The following IQSEC1 variants were observed in gnomAD, a reference collection of about 807,000 sequenced individuals.
The protein encoded by IQSEC1 is IQ motif and Sec7 domain ArfGEF 1.
In IQSEC1, 31 loss-of-function variants were observed where a neutral mutation model predicts 91.0. The observed-to-expected ratio is 0.34, with a 90% CI of 0.26 to 0.46. The LOEUF is 0.46. IQSEC1 is among the 20% of genes least tolerant of loss of function. The pLI is 1.00. For missense variants in IQSEC1, 1,388 were observed against 1,575.6 expected, an observed-to-expected ratio of 0.88 and a Z score of 2.02; for synonymous variants, 699 against 662.6, an observed-to-expected ratio of 1.05 and a Z score of -0.84.
intron 1 of IQSEC1, among the ~76,000 whole-genome samples, chr3:13,021,770 A>G (rs542497143): frequency 4.6e-5 from 7 of 152,186 alleles, no homozygotes; most frequent in Non-Finnish European, 1.0e-4. Flanking sequence ...CCAGCATGTT[A>G]TGTAACACAT....
chr3:12,948,325 C>T (rs1378577812), intron 1 of IQSEC1, among the ~76,000 whole-genome samples: 1 of 152,240 alleles, frequency 6.6e-6, no homozygotes, highest in Non-Finnish European at 1.5e-5. Context: ...GGGTCACCTG[C>T]CCTGCACCCT....
intron 1 of IQSEC1, among the ~76,000 whole-genome samples, chr3:13,237,550 C>G (rs73813518): frequency 2.0e-5 from 3 of 152,142 alleles, no homozygotes; most frequent in South Asian, 2.1e-4. Context: ...CCGGTTCCCC[C>G]ACAGACACAG....
At chr3:13,244,104 C>T (rs771409375) in intron 1 of IQSEC1, among the ~76,000 whole-genome samples, 1 of 152,204 alleles carries the variant, frequency 6.6e-6, no homozygotes, top group African/African-American at 2.4e-5. Flanking sequence ...ACCTCCAGCC[C>T]GTCTGACTCC....
At chr3:13,189,920 T>C (rs1339430080) in intron 1 of IQSEC1, among the ~76,000 whole-genome samples, 1 of 152,204 alleles carries the variant, frequency 6.6e-6, no homozygotes, top group African/African-American at 2.4e-5. Flanking sequence ...GTTGCTGACA[T>C]GCAATCCTTT....
chr3:13,271,748 T>C (rs1695593902), intron 1 of IQSEC1, among the ~76,000 whole-genome samples: 1 of 152,160 alleles, frequency 6.6e-6, no homozygotes, highest in African/African-American at 2.4e-5. Context: ...TGAGCTCTGA[T>C]TGCACCATTG....
chr3:13,247,137 T>C (rs890115306), intron 1 of IQSEC1, among the ~76,000 whole-genome samples: 3 of 152,180 alleles, frequency 2.0e-5, no homozygotes, highest in Non-Finnish European at 2.9e-5. Flanking sequence ...GCCTAAAACC[T>C]GCTGGTGAGG....
Position 12,924,556 on chromosome 3 carries a change from C to T in IQSEC1, c.1730+25G>A, listed in dbSNP as rs1407337817. The T allele has an allele frequency of 3.9e-6, 6 of 1,557,190 alleles. 1 individual carries two copies. The highest frequency in any genetic ancestry group is 1.8e-5 in the Admixed American group (1 of 55,906). On this transcript the variant is annotated intron_variant, in intron 4 of 13. Transcript: ENST00000613206. This position sits in a 1 kb window ranked among gnomAD's most constrained non-coding sequence, Gnocchi z 6.3. ...TGAGGGCGTGTGTGGAATCAGGTCC[C>T]CCACCACCCCCATGCAGAACTTACT...
chr3:13,009,831 T>C (rs1702801010), intron 1 of IQSEC1, among the ~76,000 whole-genome samples: 1 of 152,158 alleles, frequency 6.6e-6, no homozygotes, highest in Non-Finnish European at 1.5e-5. Flanking sequence ...TCTGCCAGTG[T>C]GGCGCCCGCC....
intron 2 of IQSEC1, among the ~76,000 whole-genome samples, chr3:13,086,479 T>A (rs1705737530): frequency 6.6e-6 from 1 of 152,202 alleles, no homozygotes; most frequent in Non-Finnish European, 1.5e-5. Context: ...GGCGTCTTTT[T>A]CCTGGGAGGG....
At chr3:13,165,578 G>GTGTGTGTGTGTGTC (rs1377649445) in intron 1 of IQSEC1, among the ~76,000 whole-genome samples, 4 of 105,756 alleles carry the variant, frequency 3.8e-5, no homozygotes, top group Admixed American at 2.3e-4. Context: ...GTGTGTGTGT[G>GTGTGTGTGTGTGTC]TGTCTGTCTG....
chr3:13,125,342 C>T (rs1215017982), intron 2 of IQSEC1, among the ~76,000 whole-genome samples: 6 of 152,234 alleles, frequency 3.9e-5, no homozygotes, highest in African/African-American at 1.4e-4. Context: ...CCCCCACCTC[C>T]ACCAGGTGAG....
intron 1 of IQSEC1, among the ~76,000 whole-genome samples, chr3:13,027,447 G>C (rs569915986): frequency 9.8e-5 from 15 of 152,358 alleles, no homozygotes; most frequent in African/African-American, 3.4e-4. Flanking sequence ...CACTTTACTT[G>C]CTGTGCAGAA....
In IQSEC1 at chr3:12,899,398, A is replaced by C; in HGVS notation, c.*1585T>G. ...TCCTCGGGTCCCATGGCTTAGGAGC[A>C]CAGCACTGACGGCTGCAGTGGCTCG... On this transcript the variant is annotated 3_prime_UTR_variant, in exon 14 of 14. Transcript: ENST00000613206. 1 of 1,613,150 alleles carries C rather than the reference A, an allele frequency of 6.2e-7. No individual in the cohort carries two copies.
chr3:13,015,440 G>C (rs1481836184), intron 1 of IQSEC1: 1 of 452,120 alleles, frequency 2.2e-6, no homozygotes, highest in African/African-American at 2.1e-5. Context: ...ACAGAATACA[G>C]CTCTGAGAAA....
rs142197279 is a variant in IQSEC1 at position 12,936,355 on chromosome 3, C to T, written c.661G>A (p.Ala221Thr). ...SPAPSSDFAD[A>T]ITELEDAFSR... ...AAGGCGTCCTCCAGCTCGGTGATGGCGTCCGCAAAGTCACTGGAGGGGGCC... is the reference window on the plus strand; with the variant it reads ...AAGGCGTCCTCCAGCTCGGTGATGGTGTCCGCAAAGTCACTGGAGGGGGCC... The change falls in exon 3 of 14, where the codon GCC becomes ACC. Residue 221 changes from alanine (A) to threonine (T), a missense_variant. Physicochemically the swap from Ala to Thr is moderately conservative, Grantham distance 58. Transcript: ENST00000613206. The T allele has an allele frequency of 3.6e-4, 580 of 1,604,186 alleles. 1 individual carries two copies. Among genetic ancestry groups the T allele is most frequent in the Non-Finnish European group, 4.5e-4 (528 of 1,173,512 alleles).
chr3:12,948,909 C>T (rs1576014533), intron 1 of IQSEC1, among the ~76,000 whole-genome samples: 1 of 152,330 alleles, frequency 6.6e-6, no homozygotes, highest in East Asian at 1.9e-4. Flanking sequence ...AGGGCAAACA[C>T]ACATGTATGT....
rs1693960763 is a variant in IQSEC1 at position 12,899,200 on chromosome 3, C to G, written c.*1783G>C. 2 of 624,214 alleles carry G rather than the reference C, an allele frequency of 3.2e-6. No homozygotes were observed. Among genetic ancestry groups the G allele is most frequent in the Non-Finnish European group, 5.6e-6 (2 of 356,256 alleles). The allele number at this position is 624,214 out of a possible 1,614,324, so 38.7% of individuals were successfully genotyped here. A position where few individuals can be genotyped will look rare whatever the true frequency, so the allele number is the denominator to read the frequency against. ...AGGAGGGAAATCGGCAAAACCCTGG[C>G]CAGCCAGCCAGCCAAGGTGACACAC... is the stretch of plus-strand genomic sequence containing the variant. On this transcript the variant is annotated 3_prime_UTR_variant, in exon 14 of 14. Coordinates refer to ENST00000613206, the MANE Select transcript of IQSEC1 (RefSeq NM_001134382.3).
chr3:13,021,368 C>A (rs955560382), intron 1 of IQSEC1, among the ~76,000 whole-genome samples: 4 of 152,228 alleles, frequency 2.6e-5, no homozygotes, highest in African/African-American at 9.7e-5. Flanking sequence ...CACCACCCCC[C>A]ACAGCTGTCC....
At position 12,899,536 on chromosome 3, in the gene IQSEC1, C is replaced by T. The variant is rs190703044; in HGVS notation, c.*1447G>A. The T allele has an allele frequency of 1.4e-4, 211 of 1,525,466 alleles. No individual in the cohort carries two copies. The highest frequency in any genetic ancestry group is 1.7e-4 in the Non-Finnish European group (194 of 1,128,036). The allele number at this position is 1,525,466 out of a possible 1,614,324, so 94.5% of individuals were successfully genotyped here. On this transcript the variant is annotated 3_prime_UTR_variant, in exon 14 of 14. Transcript: ENST00000613206. ...CACCACAACACAGAAGCGACAAGAG[C>T]ACAGCTGAGAGTCATGTGATGCCCT...
Sources: allele counts gnomAD v4.1 joint callset (sites outside exome capture counted in the v4.1 genomes callset), GRCh38; gene constraint gnomAD v4.1.1; non-coding constraint Gnocchi (gnomAD v3.1); transcripts MANE v1.5; gene names NCBI Gene and HGNC (gene_info 2026-07-23, HGNC 2026-07-21).